The following OR6C6 variants were observed in gnomAD, a reference collection of about 807,000 sequenced individuals.
OR6C6 encodes olfactory receptor family 6 subfamily C member 6.
For missense variants in OR6C6, 411 were observed against 366.8 expected (o/e 1.12, Z -0.98); for synonymous variants, 140 against 135.2 (o/e 1.04, Z -0.25).
At position 55,294,411 on chromosome 12, in the gene OR6C6, C is replaced by T. The variant is rs769050504; in HGVS notation, c.822G>A (p.Leu274=). 6.2e-7 allele frequency: 1 copy of T among 1,611,994 alleles called. No individual in the cohort carries two copies. The highest frequency in any genetic ancestry group is 1.1e-5 in the South Asian group (1 of 91,028). ...GTAAAGGGGCAATTGAGGTATAGAGCAAAGCTACACCTTTGGATACAGTCA... is the reference window on the plus strand; with the variant it reads ...GTAAAGGGGCAATTGAGGTATAGAGTAAAGCTACACCTTTGGATACAGTCA... The part of the protein sequence containing the change: ...ERVTVSKGVA[L]LYTSIAPLLN... Residue 274 remains leucine, a synonymous_variant, in exon 2 of 2, where the codon TTG becomes TTA. Coordinates refer to ENST00000358433, the MANE Select transcript of OR6C6 (RefSeq NM_001005493.2).
rs925872265 is a variant in OR6C6, at chr12:55,294,076, C to G, written c.*212G>C. The G allele has an allele frequency of 2.5e-6, 1 of 405,472 alleles. No individual in the cohort carries two copies. 25.1% of individuals were successfully genotyped at this position (405,472 alleles called of 1,614,324 possible). A position where few individuals can be genotyped will look rare whatever the true frequency, so the allele number is the denominator to read the frequency against. On this transcript the variant is annotated 3_prime_UTR_variant, in exon 2 of 2. Coordinates refer to ENST00000358433, the MANE Select transcript of OR6C6 (RefSeq NM_001005493.2). ...TCTCTTGCCTCAGACTCCTGAGTAGCTGGGATTACAGGCACTCTCCACCAC... is the reference window on the plus strand; with the variant it reads ...TCTCTTGCCTCAGACTCCTGAGTAGGTGGGATTACAGGCACTCTCCACCAC...
Position 55,294,732 on chromosome 12 carries a change from A to T in OR6C6, c.501T>A (p.Cys167Ter). 1 of 1,614,116 alleles carries T rather than the reference A, an allele frequency of 6.2e-7. No individual in the cohort carries two copies. Among genetic ancestry groups the T allele is most frequent in the Non-Finnish European group, 8.5e-7 (1 of 1,180,026 alleles). Reference sequence around the variant, plus strand: ...TAAAGTGGTCAATAGTTTTGGAAGCACAAAAATCCAGCTTGAGTCCCATGA... The same window carrying T: ...TAAAGTGGTCAATAGTTTTGGAAGCTCAAAAATCCAGCTTGAGTCCCATGA... ...PLVMGLKLDF[C>*]ASKTIDHFMC... The change falls in exon 2 of 2, where the codon TGT becomes TGA. Residue 167 changes from cysteine (C) to a stop codon, truncating the protein, a stop_gained. Coordinates refer to ENST00000358433, the MANE Select transcript of OR6C6 (RefSeq NM_001005493.2). LOFTEE classifies it low-confidence loss of function (END_TRUNC).
Position 55,294,099 on chromosome 12 carries a change from C to T in OR6C6, c.*189G>A. On this transcript the variant is annotated 3_prime_UTR_variant, in exon 2 of 2. Coordinates refer to ENST00000358433, the MANE Select transcript of OR6C6 (RefSeq NM_001005493.2). Reference sequence around the variant, plus strand: ...AGCTGGGATTACAGGCACTCTCCACCACGCCCAGCTAATTTTTGTACTTTT... The same window carrying T: ...AGCTGGGATTACAGGCACTCTCCACTACGCCCAGCTAATTTTTGTACTTTT... 2.1e-6 allele frequency: 1 copy of T among 470,140 alleles called. No individual in the cohort carries two copies. The highest frequency in any genetic ancestry group is 2.0e-5 in the African/African-American group (1 of 51,064). The allele number at this position is 470,140 out of a possible 1,614,324, so 29.1% of individuals were successfully genotyped here.
In OR6C6 at chr12:55,294,558, T is replaced by C; in HGVS notation, c.675A>G (p.Lys225=). ...TGTTCCTTTGCTGTGCAGAAGAGAA[T>C]TTCAGAATGGTCTTAATAATGCAAG... ...SYTCIIKTIL[K]FSSAQQRNKA... is the part of the protein sequence containing the mutation. Residue 225 remains lysine (K), a synonymous_variant, in exon 2 of 2, where the codon AAA becomes AAG. Coordinates refer to ENST00000358433, the MANE Select transcript of OR6C6 (RefSeq NM_001005493.2). 6.2e-7 allele frequency: 1 copy of C among 1,614,082 alleles called. No homozygotes were observed. The highest frequency in any genetic ancestry group is 8.5e-7 in the Non-Finnish European group (1 of 1,180,008).
chr12:55,294,613 A>C lies in OR6C6; in HGVS notation c.620T>G (p.Val207Gly). 6.2e-7 allele frequency: 1 copy of C among 1,614,054 alleles called. No homozygotes were observed. The highest frequency in any genetic ancestry group is 8.5e-7 in the Non-Finnish European group (1 of 1,179,926). Residue 207 changes from valine (V) to glycine (G), a missense_variant, in exon 2 of 2, where the codon GTC becomes GGC. Physicochemically the swap from Val to Gly is moderately radical, Grantham distance 109. Transcript: ENST00000358433. Reference sequence around the variant, plus strand: ...AGAGAGAATCACTAATACCAGTGTGACCACAAGTGTCACCACAGCTAAGGT... The same window carrying C: ...AGAGAGAATCACTAATACCAGTGTGCCCACAAGTGTCACCACAGCTAAGGT... The part of the protein sequence containing the change: ...SFTLAVVTLV[V>G]TLVLVILSYT...
Position 55,294,926 on chromosome 12 carries a change from G to A in OR6C6, c.307C>T (p.Leu103Phe), listed in dbSNP as rs956997118. Reference sequence around the variant, plus strand: ...TAAAACTCAGTAACTCCCGGTAAAAGGATAAAAAATAATTGAGTTGCACAA... The same window carrying A: ...TAAAACTCAGTAACTCCCGGTAAAAAGATAAAAAATAATTGAGTTGCACAA... ...NNCATQLFFILLPGVTEFYLL... is the reference protein window; with the variant it reads ...NNCATQLFFIFLPGVTEFYLL... The change falls in exon 2 of 2, where the codon CTT (leucine) becomes TTT (phenylalanine). Residue 103 changes from leucine (L) to phenylalanine (F), a missense_variant. Physicochemically the swap from Leu to Phe is conservative, Grantham distance 22. Coordinates refer to ENST00000358433, the MANE Select transcript of OR6C6 (RefSeq NM_001005493.2). 8.1e-6 allele frequency: 13 copies of A among 1,613,732 alleles called. No individual in the cohort carries two copies. The highest frequency in any genetic ancestry group is 9.3e-6 in the Non-Finnish European group (11 of 1,179,962).
Position 55,294,402 on chromosome 12 carries a change from G to C in OR6C6, c.831C>G (p.Thr277=). 6.2e-7 allele frequency: 1 copy of C among 1,612,820 alleles called. No individual in the cohort carries two copies. Among genetic ancestry groups the C allele is most frequent in the Non-Finnish European group, 8.5e-7 (1 of 1,178,906 alleles). Residue 277 remains threonine (T), a synonymous_variant, in exon 2 of 2, where the codon ACC becomes ACG. Coordinates refer to ENST00000358433, the MANE Select transcript of OR6C6 (RefSeq NM_001005493.2). The part of the protein sequence containing the change: ...TVSKGVALLY[T]SIAPLLNPFI... ...AGGGATTTAGTAAAGGGGCAATTGA[G>C]GTATAGAGCAAAGCTACACCTTTGG...
rs1270488808 is a variant in OR6C6, at chr12:55,296,455, G to C, written c.-162C>G. 1.3e-5 allele frequency: 2 copies of C among 151,844 alleles called. No individual in the cohort carries two copies. The highest frequency in any genetic ancestry group is 4.8e-5 in the African/African-American group (2 of 41,364). The allele number at this position is 151,844 out of a possible 1,614,324, so 9.4% of individuals were successfully genotyped here. On this transcript the variant is annotated 5_prime_UTR_variant, in exon 1 of 2. Transcript: ENST00000358433. ...ACATTTATTACCAATGATTTTTGTGGGGAGAGGCAATGTGTACGTATTGTG... is the reference window on the plus strand; with the variant it reads ...ACATTTATTACCAATGATTTTTGTGCGGAGAGGCAATGTGTACGTATTGTG...
rs767865021 is a variant in OR6C6 at position 55,295,088 on chromosome 12, G to A, written c.145C>T (p.Leu49=). The change falls in exon 2 of 2, where the codon CTG becomes TTG. Residue 49 remains leucine, a synonymous_variant. Transcript: ENST00000358433. The part of the protein sequence containing the change: ...GNLIIIILTL[L]DPRLKTPMYF... ...ATTGGCGTCTTGAGCCGGGGATCCA[G>A]CAGGGTGAGGATGATGATGATTAAG... The A allele has an allele frequency of 1.2e-6, 2 of 1,613,998 alleles. No homozygotes were observed. Among genetic ancestry groups the A allele is most frequent in the South Asian group, 2.2e-5 (2 of 91,068 alleles).
chr12:55,294,325 A>G lies in OR6C6; in HGVS notation c.908T>C (p.Leu303Ser). The G allele has an allele frequency of 1.2e-6, 2 of 1,603,466 alleles. No homozygotes were observed. The highest frequency in any genetic ancestry group is 1.7e-6 in the Non-Finnish European group (2 of 1,175,484). Residue 303 changes from leucine to serine, a missense_variant, in exon 2 of 2, where the codon TTA (leucine) becomes TCA (serine). Coordinates refer to ENST00000358433, the MANE Select transcript of OR6C6 (RefSeq NM_001005493.2). ...QQVKEVFWDV[L>S]QKNLCFSKRP... ...TTTAGAAAAACACAAATTCTTTTGTAATACATCCCAGAAGACTTCTTTCAC... is the reference window on the plus strand; with the variant it reads ...TTTAGAAAAACACAAATTCTTTTGTGATACATCCCAGAAGACTTCTTTCAC...
chr12:55,294,577 A>G lies in OR6C6; in HGVS notation c.656T>C (p.Ile219Thr). Residue 219 changes from isoleucine (I) to threonine (T), a missense_variant, in exon 2 of 2, where the codon ATT (isoleucine) becomes ACT (threonine). Transcript: ENST00000358433. ...AGAGAATTTCAGAATGGTCTTAATA[A>G]TGCAAGTGTAAGAGAGAATCACTAA... ...LVLVILSYTCIIKTILKFSSA... is the reference protein window; with the variant it reads ...LVLVILSYTCTIKTILKFSSA... 3 of 1,614,164 alleles carry G rather than the reference A, an allele frequency of 1.9e-6. No homozygotes were observed. Among genetic ancestry groups the G allele is most frequent in the Non-Finnish European group, 2.5e-6 (3 of 1,180,028 alleles).
At chr12:55,295,932 A>C (rs1327891948) in intron 1 of OR6C6, among the ~76,000 whole-genome samples, 1 of 151,934 alleles carries the variant, frequency 6.6e-6, no homozygotes, top group Non-Finnish European at 1.5e-5. Context: ...TTTTCAATTA[A>C]CCTTTTTGAA....
chr12:55,295,322 A>C (rs1868250813), intron 1 of OR6C6, 65 bp from the exon 2 acceptor site: 1 of 644,776 alleles, frequency 1.6e-6, no homozygotes, highest in Non-Finnish European at 2.5e-6. Flanking sequence ...TAAAGCAGAA[A>C]AAATATATCT....
At position 55,296,542 on chromosome 12, in the gene OR6C6, ATAT is replaced by A. The variant is rs1419109814; in HGVS notation, c.-252_-250del. 1 of 152,018 alleles carries A rather than the reference ATAT, an allele frequency of 6.6e-6. No homozygotes were observed. The highest frequency in any genetic ancestry group is 1.5e-5 in the Non-Finnish European group (1 of 67,944). The allele number at this position is 152,018 out of a possible 1,614,324, so 9.4% of individuals were successfully genotyped here. On this transcript the variant is annotated 5_prime_UTR_variant, in exon 1 of 2. Coordinates refer to ENST00000358433, the MANE Select transcript of OR6C6 (RefSeq NM_001005493.2). Reference sequence around the variant, plus strand: ...CCTCACTATAAAGATTGATACTCAGATATTAATAATTTTAATGGACATCTATCT... The same window carrying A: ...CCTCACTATAAAGATTGATACTCAGATAATAATTTTAATGGACATCTATCT...
In OR6C6 at chr12:55,295,121, T is replaced by A. The variant is rs758464283; in HGVS notation, c.112A>T (p.Met38Leu). ...AGGATGATGATGATTAAGTTCCCCA[T>A]CAGGCTCAAGGTGTAGTTGAGAAAT... ...FLFLNYTLSL[M>L]GNLIIIILTL... Residue 38 changes from methionine (M) to leucine (L), a missense_variant, in exon 2 of 2, where the codon ATG (methionine) becomes TTG (leucine). Coordinates refer to ENST00000358433, the MANE Select transcript of OR6C6 (RefSeq NM_001005493.2). 3.7e-6 allele frequency: 6 copies of A among 1,613,792 alleles called. No homozygotes were observed. In the African/African-American group the frequency reaches 6.7e-5, roughly 18 times the overall value.
Position 55,294,422 on chromosome 12 carries a change from C to T in OR6C6, c.811G>A (p.Gly271Ser). The T allele has an allele frequency of 6.2e-7, 1 of 1,613,504 alleles. No individual in the cohort carries two copies. Among genetic ancestry groups the T allele is most frequent in the South Asian group, 1.1e-5 (1 of 91,070 alleles). The change falls in exon 2 of 2, where the codon GGT becomes AGT. Residue 271 changes from glycine (G) to serine (S), a missense_variant. Transcript: ENST00000358433. ...ATTGAGGTATAGAGCAAAGCTACAC[C>T]TTTGGATACAGTCACTCTTTCTTTT... is the stretch of plus-strand genomic sequence containing the variant. ...SAKERVTVSKGVALLYTSIAP... is the reference protein window; with the variant it reads ...SAKERVTVSKSVALLYTSIAP...
At position 55,294,626 on chromosome 12, in the gene OR6C6, C is replaced by T. The variant is rs772385046; in HGVS notation, c.607G>A (p.Val203Met). The T allele has an allele frequency of 2.5e-6, 4 of 1,613,804 alleles. No individual in the cohort carries two copies. Among genetic ancestry groups the T allele is most frequent in the Non-Finnish European group, 3.4e-6 (4 of 1,179,898 alleles). ...AATACCAGTGTGACCACAAGTGTCA[C>T]CACAGCTAAGGTAAAAGACATCAAT... ...LELMSFTLAV[V>M]TLVVTLVLVI... Residue 203 changes from valine (V) to methionine (M), a missense_variant, in exon 2 of 2, where the codon GTG becomes ATG. Val to Met is a conservative substitution (Grantham distance 21, BLOSUM62 1). Coordinates refer to ENST00000358433, the MANE Select transcript of OR6C6 (RefSeq NM_001005493.2).
rs1262706733 is a variant in OR6C6 at position 55,295,206 on chromosome 12, C to T, written c.27G>A (p.Glu9=). The change falls in exon 2 of 2, where the codon GAG becomes GAA. Residue 9 remains glutamate (E), a synonymous_variant. Transcript: ENST00000358433. ...CATCTGTCAATCCTAGGAGAATGAA[C>T]TCTATTTCCATTGATTTGTTCTTCA... MKNKSMEI[E]FILLGLTDDP... 2 of 1,606,552 alleles carry T rather than the reference C, an allele frequency of 1.2e-6. No homozygotes were observed. Among genetic ancestry groups the T allele is most frequent in the East Asian group, 2.2e-5 (1 of 44,788 alleles).
chr12:55,294,921 T>C lies in OR6C6; in HGVS notation c.312A>G (p.Leu104=). Residue 104 remains leucine, a synonymous_variant, in exon 2 of 2, where the codon TTA becomes TTG. Coordinates refer to ENST00000358433, the MANE Select transcript of OR6C6 (RefSeq NM_001005493.2). ...NCATQLFFIL[L]PGVTEFYLLA... is the part of the protein sequence containing the mutation. ...GGAGGTAAAACTCAGTAACTCCCGG[T>C]AAAAGGATAAAAAATAATTGAGTTG... 1.2e-6 allele frequency: 2 copies of C among 1,613,840 alleles called. No homozygotes were observed. The highest frequency in any genetic ancestry group is 1.7e-6 in the Non-Finnish European group (2 of 1,179,934).
Sources: gnomAD v4.1 joint callset for allele counts (sites outside exome capture counted in the v4.1 genomes callset) on GRCh38, gnomAD v4.1.1 for gene constraint, MANE v1.5 for transcripts, NCBI Gene and HGNC (gene_info 2026-07-23, HGNC 2026-07-21) for gene names.